The following DDX10 variants were observed in gnomAD, a reference collection of about 807,000 sequenced individuals.
DDX10 encodes the protein probable ATP-dependent RNA helicase DDX10.
DDX10 carries 74 observed loss-of-function variants against 104.3 expected under a neutral mutation model. That is an observed-to-expected ratio of 0.71 (90% confidence interval 0.59 to 0.86). DDX10 has a LOEUF of 0.86. Ranked by LOEUF, DDX10 falls within the 40% of genes least tolerant of loss-of-function variation. DDX10 has a pLI of 0.00. For synonymous variants in DDX10, 351 were observed against 353.4 expected (o/e 0.99, Z 0.08); for missense variants, 952 against 1,040.0 (o/e 0.92, Z 1.16).
chr11:108,818,527 GTCAAC>G (rs1199931291), intron 13 of DDX10, among the ~76,000 whole-genome samples: 1 of 152,142 alleles, frequency 6.6e-6, no homozygotes, highest in East Asian at 1.9e-4. Context: ...GAAAATTTTA[GTCAAC>G]TCAACCTGTT....
chr11:108,789,095 C>A (rs1369375218), intron 13 of DDX10, among the ~76,000 whole-genome samples: 1 of 152,218 alleles, frequency 6.6e-6, no homozygotes, highest in African/African-American at 2.4e-5. Flanking sequence ...ATGTGACAAG[C>A]TGTCCTCATT....
At chr11:108,669,690 G>C (rs1182248160) in intron 1 of DDX10, among the ~76,000 whole-genome samples, 1 of 152,196 alleles carries the variant, frequency 6.6e-6, no homozygotes, top group Non-Finnish European at 1.5e-5. Context: ...AATTAAGGTT[G>C]CTAATCAGCT....
intron 13 of DDX10, among the ~76,000 whole-genome samples, chr11:108,754,350 G>C (rs1478464635): frequency 2.0e-5 from 3 of 152,042 alleles, no homozygotes; most frequent in Non-Finnish European, 4.4e-5. Flanking sequence ...TTTGAGGGCA[G>C]TGCTTAATTT....
At chr11:108,813,151 A>T (rs542934002) in intron 13 of DDX10, among the ~76,000 whole-genome samples, 1 of 152,306 alleles carries the variant, frequency 6.6e-6, no homozygotes, top group South Asian at 2.1e-4. Context: ...TAAGAAAAAT[A>T]CCTATAGAAT....
intron 16 of DDX10, among the ~76,000 whole-genome samples, chr11:108,887,779 G>C (rs190143298): frequency 2.6e-3 from 393 of 152,246 alleles, no homozygotes; most frequent in African/African-American, 8.7e-3. Flanking sequence ...AGCTGGTTGT[G>C]GTAGTGGGTG....
intron 7 of DDX10, 29 bp downstream of exon 7, chr11:108,689,091 C>G: frequency 6.2e-7 from 1 of 1,610,346 alleles, no homozygotes; most frequent in South Asian, 1.1e-5. Context: ...GCTTTCTGAA[C>G]GTATGTTGAA....
At chr11:108,832,713 TG>T (rs368683211) in intron 13 of DDX10, among the ~76,000 whole-genome samples, 316 of 152,360 alleles carry the variant, frequency 2.1e-3, no homozygotes, top group African/African-American at 7.4e-3. Flanking sequence ...AATATAAGTT[TG>T]TATAACTTTG....
chr11:108,838,310 A>G, intron 13 of DDX10, 136 bp from the exon 14 acceptor site: 1 of 875,598 alleles, frequency 1.1e-6, no homozygotes, highest in East Asian at 2.9e-5. Context: ...ATTCCTGGAC[A>G]GTGTTTTCAA....
At chr11:108,869,128 G>A (rs1241934222) in intron 16 of DDX10, among the ~76,000 whole-genome samples, 1 of 151,862 alleles carries the variant, frequency 6.6e-6, no homozygotes, top group Non-Finnish European at 1.5e-5. Flanking sequence ...ATGGCTTGAT[G>A]AATTTACTTG....
intron 16 of DDX10, among the ~76,000 whole-genome samples, chr11:108,881,448 G>T (rs1189132405): frequency 6.6e-6 from 1 of 152,182 alleles, no homozygotes; most frequent in Non-Finnish European, 1.5e-5. Flanking sequence ...ATAGTTTGGA[G>T]AGTGTTAATC....
intron 16 of DDX10, among the ~76,000 whole-genome samples, chr11:108,865,024 G>A (rs938968792): frequency 1.3e-5 from 2 of 152,210 alleles, no homozygotes; most frequent in Admixed American, 6.5e-5. Context: ...CAGAATATGA[G>A]AGGTATGTTG....
intron 8 of DDX10, among the ~76,000 whole-genome samples, chr11:108,692,469 C>CAGG: frequency 6.7e-6 from 1 of 148,242 alleles, no homozygotes; most frequent in Non-Finnish European, 1.5e-5. Flanking sequence ...TTTTCAAAAC[C>CAGG]TGCTTTGTTG....
At chr11:108,684,141 CTT>C (rs56168476) in intron 6 of DDX10, among the ~76,000 whole-genome samples, 11 of 31,300 alleles carry the variant, frequency 3.5e-4, no homozygotes, top group African/African-American at 9.9e-4. Context: ...ATTTCCAGTT[CTT>C]TTTTTTTTTT....
intron 13 of DDX10, among the ~76,000 whole-genome samples, chr11:108,770,746 A>AT (rs952367568): frequency 3.2e-4 from 45 of 141,278 alleles, no homozygotes; most frequent in South Asian, 6.9e-4. Flanking sequence ...TATGTACCTC[A>AT]TTTTTTTTTT....
chr11:108,828,459 A>G (rs1050526566), intron 13 of DDX10, among the ~76,000 whole-genome samples: 1 of 152,180 alleles, frequency 6.6e-6, no homozygotes, highest in Non-Finnish European at 1.5e-5. Flanking sequence ...AGTTCCATCC[A>G]GGTTGCTGTG....
intron 6 of DDX10, among the ~76,000 whole-genome samples, chr11:108,682,825 T>C (rs1397602412): frequency 6.6e-6 from 1 of 152,226 alleles, no homozygotes; most frequent in African/African-American, 2.4e-5. Flanking sequence ...GTTTTGACCT[T>C]TCTGAAAACC....
At position 108,669,939 on chromosome 11, in the gene DDX10, G is replaced by A. The variant is rs192242499; in HGVS notation, c.187-3528G>A. 7.4e-4 allele frequency among the ~76,000 whole-genome samples: 112 copies of A among 152,292 alleles called. 2 individuals carry two copies. Among genetic ancestry groups the A allele is most frequent in the Non-Finnish European group, 1.5e-4 (10 of 68,020 alleles). ...TGCCGTAGAGTCATCAGAAAATAAC[G>A]CAGCCCTGCTGCCACCTAGATTTTA... On this transcript the variant is annotated intron_variant, in intron 1 of 17. Coordinates refer to ENST00000322536, the MANE Select transcript of DDX10 (RefSeq NM_004398.4).
intron 16 of DDX10, among the ~76,000 whole-genome samples, chr11:108,868,964 A>G (rs563066568): frequency 1.1e-5 from 1 of 93,934 alleles, no homozygotes; most frequent in East Asian, 3.1e-4. Context: ...TTAAGAATTA[A>G]GCTTTTTTTT....
chr11:108,789,122 A>C lies in DDX10; in HGVS notation c.1966-49324A>C, dbSNP rs1182868246. On this transcript the variant is annotated intron_variant, in intron 13 of 17. Coordinates refer to ENST00000322536, the MANE Select transcript of DDX10 (RefSeq NM_004398.4). Reference sequence around the variant, plus strand: ...GTCCTCATTCCTTTGAGACCAAAGGAAGTTCTAAATAATTGACTTAGAATT... The same window carrying C: ...GTCCTCATTCCTTTGAGACCAAAGGCAGTTCTAAATAATTGACTTAGAATT... 3.3e-5 allele frequency among the ~76,000 whole-genome samples: 5 copies of C among 152,306 alleles called. No homozygotes were observed. The East Asian group carries it at 9.6e-4, about 29-fold the overall frequency.
Sources: allele counts gnomAD v4.1 joint callset (sites outside exome capture counted in the v4.1 genomes callset), GRCh38; gene constraint gnomAD v4.1.1; transcripts MANE v1.5; gene names NCBI Gene and HGNC (gene_info 2026-07-23, HGNC 2026-07-21).